APPBP2: variants seen among roughly 807,000 people sequenced by gnomAD.
APPBP2 encodes amyloid protein-binding protein 2.
A neutral mutation model predicts 76.0 loss-of-function variants in APPBP2; 15 were observed. The observed-to-expected ratio is 0.20, with a 90% CI of 0.13 to 0.30. The LOEUF is 0.30. APPBP2 is among the 10% of genes least tolerant of loss of function. The pLI is 1.00. For missense variants in APPBP2, 401 were observed against 687.2 expected (o/e 0.58, Z 4.66); for synonymous variants, 222 against 242.2 (o/e 0.92, Z 0.77).
At chr17:60,452,970 T>C (rs1033287930) in intron 11 of APPBP2, among the ~76,000 whole-genome samples, 1 of 152,138 alleles carries the variant, frequency 6.6e-6, no homozygotes, top group Admixed American at 6.6e-5. Flanking sequence ...CTAAAATACA[T>C]TGAAGTTAGT....
intron 1 of APPBP2, among the ~76,000 whole-genome samples, chr17:60,520,822 G>A (rs377549042): frequency 2.6e-5 from 4 of 151,966 alleles, no homozygotes; most frequent in Non-Finnish European, 4.4e-5. Context: ...TCAGCCTCCC[G>A]AACTGTTGGG....
At chr17:60,482,663 C>T (rs2090639557) in intron 3 of APPBP2, among the ~76,000 whole-genome samples, 1 of 152,090 alleles carries the variant, frequency 6.6e-6, no homozygotes, top group Non-Finnish European at 1.5e-5. Context: ...CAATTCCCAC[C>T]TGAGTGAGAA....
rs1320782368 is a variant in APPBP2 at position 60,446,943 on chromosome 17, C to CT, written c.*637dup. On this transcript the variant is annotated 3_prime_UTR_variant, in exon 13 of 13. Coordinates refer to ENST00000083182, the MANE Select transcript of APPBP2 (RefSeq NM_006380.5). ...ACCAAAAAAAAAAAAGTCAGAAGTG[C>CT]TGGTCTATCAGATTTTCTATTACAT... The CT allele has an allele frequency of 6.6e-6, 1 of 152,184 alleles. No homozygotes were observed. The highest frequency in any genetic ancestry group is 2.4e-5 in the African/African-American group (1 of 41,338). 9.4% of individuals were successfully genotyped at this position (152,184 alleles called of 1,614,324 possible). A position where few individuals can be genotyped will look rare whatever the true frequency, so the allele number is the denominator to read the frequency against.
chr17:60,453,724 A>T (rs2090413148), intron 11 of APPBP2, among the ~76,000 whole-genome samples: 1 of 151,418 alleles, frequency 6.6e-6, no homozygotes, highest in South Asian at 2.1e-4. Flanking sequence ...TTTTTTGTAG[A>T]GATGGGATTT....
At chr17:60,491,814 A>G (rs1177266917) in intron 3 of APPBP2, among the ~76,000 whole-genome samples, 1 of 152,214 alleles carries the variant, frequency 6.6e-6, no homozygotes, top group Non-Finnish European at 1.5e-5. Flanking sequence ...GATGCGATAG[A>G]AAAGAAAAAC....
intron 3 of APPBP2, among the ~76,000 whole-genome samples, chr17:60,488,834 G>A (rs1327128175): frequency 1.3e-5 from 2 of 152,090 alleles, no homozygotes; most frequent in Non-Finnish European, 2.9e-5. Context: ...GAACTAAAGG[G>A]ATATCATCCT....
chr17:60,464,206 A>AT (rs1369906531), intron 5 of APPBP2, 96 bp from the exon 6 acceptor site: 5 of 776,652 alleles, frequency 6.4e-6, no homozygotes, highest in African/African-American at 5.3e-5. Flanking sequence ...AAGCACTTAA[A>AT]TAAGAACACA....
At position 60,447,460 on chromosome 17, in the gene APPBP2, T is replaced by TC; in HGVS notation, c.*120dup. 1 of 1,173,662 alleles carries TC rather than the reference T, an allele frequency of 8.5e-7. No homozygotes were observed. Among genetic ancestry groups the TC allele is most frequent in the Non-Finnish European group, 1.2e-6 (1 of 840,252 alleles). 72.7% of individuals were successfully genotyped at this position (1,173,662 alleles called of 1,614,324 possible). A position where few individuals can be genotyped will look rare whatever the true frequency, so the allele number is the denominator to read the frequency against. ...ATAGGGATCACCCAAAATAGGGTCTTCAATGGACTGGACCAGTGTTTCAAT... is the reference window on the plus strand; with the variant it reads ...ATAGGGATCACCCAAAATAGGGTCTTCCAATGGACTGGACCAGTGTTTCAAT... On this transcript the variant is annotated 3_prime_UTR_variant, in exon 13 of 13. Transcript: ENST00000083182.
At chr17:60,500,536 TTTTAC>T (rs762430536) in intron 1 of APPBP2, 49 bp from the exon 2 acceptor site, 17 of 1,282,096 alleles carry the variant, frequency 1.3e-5, no homozygotes, top group Middle Eastern at 1.9e-4. Context: ...TAATTCTTCT[TTTTAC>T]TTTAATCATA....
intron 3 of APPBP2, among the ~76,000 whole-genome samples, chr17:60,491,455 C>G (rs1484023002): frequency 6.6e-6 from 1 of 151,856 alleles, no homozygotes; most frequent in Admixed American, 6.6e-5. Flanking sequence ...TGAAGTTTTG[C>G]TTTGTCACCC....
At chr17:60,470,245 A>G (rs150564206) in intron 4 of APPBP2, among the ~76,000 whole-genome samples, 3 of 151,994 alleles carry the variant, frequency 2.0e-5, no homozygotes, top group Non-Finnish European at 4.4e-5. Context: ...ATGTCTATTC[A>G]AGTCCTTTGT....
At chr17:60,504,075 T>G (rs1311466070) in intron 1 of APPBP2, among the ~76,000 whole-genome samples, 3 of 152,172 alleles carry the variant, frequency 2.0e-5, no homozygotes, top group Non-Finnish European at 4.4e-5. Context: ...GAAACAGAGC[T>G]TAGAAGAGAG....
intron 1 of APPBP2, among the ~76,000 whole-genome samples, chr17:60,520,977 T>C (rs78499933): frequency 0.042 from 6,349 of 152,266 alleles, 217 homozygotes; most frequent in Non-Finnish European, 0.056. Flanking sequence ...TGGAGTGCAG[T>C]ATTCACAGGC....
chr17:60,495,435 ATTTATTAT>A (rs759759108), intron 2 of APPBP2, among the ~76,000 whole-genome samples: 1,184 of 114,226 alleles, frequency 0.01, 13 homozygotes, highest in Middle Eastern at 0.016. Context: ...TATTTTATTT[ATTTATTAT>A]TTATTTATTT....
chr17:60,511,049 A>ACTAT (rs2090908262), intron 1 of APPBP2, among the ~76,000 whole-genome samples: 2 of 152,182 alleles, frequency 1.3e-5, no homozygotes, highest in East Asian at 3.8e-4. Context: ...ATAATTTTCA[A>ACTAT]GATAGTATGA....
At chr17:60,448,665 A>AAGT (rs2090368781) in intron 12 of APPBP2, among the ~76,000 whole-genome samples, 1 of 152,246 alleles carries the variant, frequency 6.6e-6, no homozygotes, top group Non-Finnish European at 1.5e-5. Flanking sequence ...TTACGGAGTG[A>AAGT]CTGATGGTAT....
chr17:60,505,200 C>T (rs2090856589), intron 1 of APPBP2, among the ~76,000 whole-genome samples: 1 of 152,222 alleles, frequency 6.6e-6, no homozygotes, highest in African/African-American at 2.4e-5. Flanking sequence ...TCTTGTCTCC[C>T]TCAAAATTAC....
At chr17:60,516,054 T>C (rs1325610934) in intron 1 of APPBP2, among the ~76,000 whole-genome samples, 3 of 152,022 alleles carry the variant, frequency 2.0e-5, no homozygotes, top group African/African-American at 2.4e-5. Flanking sequence ...TAATCCCAGC[T>C]ACTGGGGAAG....
chr17:60,494,724 G>A (rs977434909), intron 2 of APPBP2, 107 bp from the exon 3 acceptor site: 55 of 1,060,796 alleles, frequency 5.2e-5, no homozygotes, highest in East Asian at 2.0e-4. Flanking sequence ...TTTCCAGGAC[G>A]GAATAAGATA....
Sources: allele counts gnomAD v4.1 joint callset (sites outside exome capture counted in the v4.1 genomes callset), GRCh38; gene constraint gnomAD v4.1.1; transcripts MANE v1.5; gene names NCBI Gene and HGNC (gene_info 2026-07-23, HGNC 2026-07-21).